Variants in NPRL2 observed in about 807,000 individuals in gnomAD.
NPRL2 encodes the protein NPR2 like, GATOR1 complex subunit.
NPRL2 carries 21 observed loss-of-function variants against 51.1 expected under a neutral mutation model. The ratio of observed to expected loss-of-function variants is 0.41; its 90% CI spans 0.29 to 0.59. The LOEUF is 0.59. Among genes scored for constraint, NPRL2 ranks in the 20% least tolerant of loss-of-function variants. The pLI is 0.29. For missense variants in NPRL2, 376 were observed against 483.4 expected (o/e 0.78, Z 2.08); for synonymous variants, 175 against 187.8 (o/e 0.93, Z 0.56).
chr3:50,347,731 C>G, intron 10 of NPRL2, 28 bp downstream of exon 10: 1 of 1,613,816 alleles, frequency 6.2e-7, no homozygotes, highest in Non-Finnish European at 8.5e-7. Flanking sequence ...CTGCCCTGAA[C>G]CCACCCTGAC....
Position 50,349,891 on chromosome 3 carries a change from A to G in NPRL2, c.170+40T>C, listed in dbSNP as rs745878797. ...CCTGTCCCTTCCTCCTCCTGGGACAACCCCTGCCACCCACCGCTCACCCCG... is the reference window on the plus strand; with the variant it reads ...CCTGTCCCTTCCTCCTCCTGGGACAGCCCCTGCCACCCACCGCTCACCCCG... On this transcript the variant is annotated intron_variant, in intron 2 of 10. Coordinates refer to ENST00000232501, the MANE Select transcript of NPRL2 (RefSeq NM_006545.5). This position sits in a 1 kb window ranked among gnomAD's most constrained non-coding sequence, Gnocchi z 4.6. 1.9e-6 allele frequency: 3 copies of G among 1,612,980 alleles called. No individual in the cohort carries two copies. Among genetic ancestry groups the G allele is most frequent in the East Asian group, 4.5e-5 (2 of 44,852 alleles).
In NPRL2 at chr3:50,350,426, C is replaced by T. The variant is rs1049961645; in HGVS notation, c.78+149G>A. The T allele has an allele frequency of 8.8e-6, 7 of 793,142 alleles. No homozygotes were observed. The highest frequency in any genetic ancestry group is 5.2e-5 in the African/African-American group (3 of 57,572). The allele number at this position is 793,142 out of a possible 1,614,324, so 49.1% of individuals were successfully genotyped here. A position where few individuals can be genotyped will look rare whatever the true frequency, so the allele number is the denominator to read the frequency against. ...TCCCTGCCACATTGGGAGCCGGGGG[C>T]CTGGGTCTGACTATCCTCTAGCCTC... On this transcript the variant is annotated intron_variant, in intron 1 of 10. Coordinates refer to ENST00000232501, the MANE Select transcript of NPRL2 (RefSeq NM_006545.5). This position sits in a 1 kb window ranked among gnomAD's most constrained non-coding sequence, Gnocchi z 5.7.
chr3:50,350,216 A>T lies in NPRL2; in HGVS notation c.79-194T>A. On this transcript the variant is annotated intron_variant, in intron 1 of 10. Transcript: ENST00000232501. The surrounding 1 kb of genome is among the most constrained non-coding windows in gnomAD (Gnocchi z 5.7). ...CTCACCTCCTTCCTGGCTTCTGCATATGCTGTTCCCTCTACCTGGAACACT... is the reference window on the plus strand; with the variant it reads ...CTCACCTCCTTCCTGGCTTCTGCATTTGCTGTTCCCTCTACCTGGAACACT... 1.7e-6 allele frequency: 1 copy of T among 604,714 alleles called. No individual in the cohort carries two copies. Among genetic ancestry groups the T allele is most frequent in the Non-Finnish European group, 2.9e-6 (1 of 341,208 alleles). The allele number at this position is 604,714 out of a possible 1,614,324, so 37.5% of individuals were successfully genotyped here.
In NPRL2 at chr3:50,347,858, G is replaced by GT. The variant is rs1300745423; in HGVS notation, c.975dup (p.Leu326ThrfsTer27). ...GTCACCCGCACAGGATACTTCTGTA[G>GT]TCGCCTGATGAGGTTCTTCATAAGC... On this transcript the variant is annotated frameshift_variant, in exon 10 of 11. Coordinates refer to ENST00000232501, the MANE Select transcript of NPRL2 (RefSeq NM_006545.5). LOFTEE classifies it high-confidence loss of function. The GT allele has an allele frequency of 6.2e-7, 1 of 1,613,978 alleles. No individual in the cohort carries two copies. Among genetic ancestry groups the GT allele is most frequent in the Admixed American group, 1.7e-5 (1 of 60,014 alleles).
rs1703691579 is a variant in NPRL2 at position 50,349,790 on chromosome 3, C to T, written c.214G>A (p.Glu72Lys). 1.2e-6 allele frequency: 2 copies of T among 1,613,710 alleles called. No homozygotes were observed. The highest frequency in any genetic ancestry group is 1.7e-6 in the Non-Finnish European group (2 of 1,179,960). ...KKLIGCPVCI[E>K]HKKYSRNALL... ...GCATTGCGGCTGTACTTCTTGTGTT[C>T]GATGCACACAGGACAGCCGATCAGC... is the stretch of plus-strand genomic sequence containing the variant. Residue 72 changes from glutamate to lysine, a missense_variant, in exon 3 of 11, where the codon GAA becomes AAA. Glu to Lys is a moderately conservative substitution (Grantham distance 56). Coordinates refer to ENST00000232501, the MANE Select transcript of NPRL2 (RefSeq NM_006545.5). The surrounding 1 kb of genome is among the most constrained non-coding windows in gnomAD (Gnocchi z 4.6).
chr3:50,350,528 T>C lies in NPRL2; in HGVS notation c.78+47A>G. ...TGCCTTCAGGCAGCCAGTTGAGCTC[T>C]CGAGAACGTCCCTCTTCCCGCCCAG... On this transcript the variant is annotated intron_variant, in intron 1 of 10. Coordinates refer to ENST00000232501, the MANE Select transcript of NPRL2 (RefSeq NM_006545.5). This position sits in a 1 kb window ranked among gnomAD's most constrained non-coding sequence, Gnocchi z 5.7. The C allele has an allele frequency of 6.4e-7, 1 of 1,559,338 alleles. No homozygotes were observed. The highest frequency in any genetic ancestry group is 8.7e-7 in the Non-Finnish European group (1 of 1,148,720).
Sources: allele counts gnomAD v4.1 joint callset, GRCh38; gene constraint gnomAD v4.1.1; non-coding constraint Gnocchi (gnomAD v3.1); transcripts MANE v1.5; gene names NCBI Gene and HGNC (gene_info 2026-07-23, HGNC 2026-07-21).